The following SUPT20H variants were observed in gnomAD, a reference collection of about 807,000 sequenced individuals.
The protein encoded by SUPT20H is SPT20 homolog, SAGA complex component.
A neutral mutation model predicts 122.8 loss-of-function variants in SUPT20H; 82 were observed. The observed-to-expected ratio is 0.67, with a 90% CI of 0.56 to 0.80. SUPT20H has a LOEUF of 0.80. Among genes scored for constraint, SUPT20H ranks in the 30% least tolerant of loss-of-function variants. SUPT20H has a pLI of 0.00. For synonymous variants in SUPT20H, 291 were observed against 313.0 expected (o/e 0.93, Z 0.74); for missense variants, 831 against 921.6 (o/e 0.90, Z 1.27).
At chr13:37,018,605 CCTT>C (rs1351551889) in intron 22 of SUPT20H, among the ~76,000 whole-genome samples, 3 of 152,164 alleles carry the variant, frequency 2.0e-5, no homozygotes, top group African/African-American at 7.2e-5. Context: ...AAAGCTTACT[CCTT>C]CTTTAAATTA....
chr13:37,015,316 G>GA (rs372560347), intron 23 of SUPT20H, among the ~76,000 whole-genome samples: 3,046 of 138,582 alleles, frequency 0.022, 30 homozygotes, highest in Non-Finnish European at 0.031. Context: ...AAATTAATCT[G>GA]AAAAAAAAAA....
chr13:37,013,893 C>T (rs534125451), intron 23 of SUPT20H: 3 of 152,028 alleles, frequency 2.0e-5, no homozygotes, highest in South Asian at 2.1e-4. Flanking sequence ...ACCACCATAA[C>T]GGAGCTATGA....
intron 7 of SUPT20H, among the ~76,000 whole-genome samples, chr13:37,042,807 A>G (rs978655950): frequency 6.6e-6 from 1 of 152,168 alleles, no homozygotes; most frequent in East Asian, 1.9e-4. Context: ...GAGTAACAAG[A>G]GCAGTAGTTG....
intron 1 of SUPT20H, among the ~76,000 whole-genome samples, chr13:37,055,931 AAC>A (rs1303492040): frequency 2.0e-5 from 3 of 152,228 alleles, no homozygotes; most frequent in Admixed American, 2.0e-4. Flanking sequence ...GGAAAAAACA[AAC>A]AACCCCATCA....
chr13:37,044,300 A>AG, intron 6 of SUPT20H, 119 bp from the exon 7 acceptor site: 1 of 665,244 alleles, frequency 1.5e-6, no homozygotes. Flanking sequence ...CAACCAAGCA[A>AG]GGATCAAAAA....
At chr13:37,057,941 T>C (rs2139578295) in intron 1 of SUPT20H, among the ~76,000 whole-genome samples, 1 of 136,550 alleles carries the variant, frequency 7.3e-6, no homozygotes, top group East Asian at 2.2e-4. Context: ...GCCACTGCAC[T>C]GCAGCCTGGA....
chr13:37,039,269 C>G (rs2065047546), intron 9 of SUPT20H: 1 of 152,106 alleles, frequency 6.6e-6, no homozygotes, highest in South Asian at 2.1e-4. Context: ...GCTGCAAAAG[C>G]AGAGCTTTCA....
chr13:37,039,926 A>G (rs2065162972), intron 9 of SUPT20H: 1 of 152,284 alleles, frequency 6.6e-6, no homozygotes, highest in Non-Finnish European at 1.5e-5. Flanking sequence ...AGTTTTCCAC[A>G]AACTTTCTGA....
intron 1 of SUPT20H, among the ~76,000 whole-genome samples, chr13:37,057,524 TAAAAA>T (rs35735192): frequency 1.8e-5 from 2 of 108,464 alleles, no homozygotes. Context: ...GCCAAGCCAT[TAAAAA>T]AAAAAAAAAA....
At chr13:37,037,420 C>T (rs1025926346) in intron 9 of SUPT20H, among the ~76,000 whole-genome samples, 2 of 152,240 alleles carry the variant, frequency 1.3e-5, no homozygotes, top group East Asian at 1.9e-4. Context: ...ATTTGCTTTA[C>T]GGCAGTGCTC....
chr13:37,035,560 G>A (rs186018449), intron 9 of SUPT20H, among the ~76,000 whole-genome samples: 121 of 150,210 alleles, frequency 8.1e-4, no homozygotes, highest in African/African-American at 2.5e-3. Flanking sequence ...TCCCTCTGTC[G>A]CCCAGGCTAG....
At chr13:37,017,587 T>A (rs1196901755) in intron 22 of SUPT20H, among the ~76,000 whole-genome samples, 1 of 152,234 alleles carries the variant, frequency 6.6e-6, no homozygotes, top group Admixed American at 6.5e-5. Flanking sequence ...CTAATACTCT[T>A]AAACATAAAT....
rs1428522689 is a variant in SUPT20H at position 37,012,240 on chromosome 13, C to G, written c.2050G>C (p.Val684Leu). ...EQALSAQQAA[V>L]INLTGVGSFM... ...CTTCCTACTCCAGTAAGGTTAATAACAGCAGCTTGCTGAGCAGATAAGGCC... is the reference window on the plus strand; with the variant it reads ...CTTCCTACTCCAGTAAGGTTAATAAGAGCAGCTTGCTGAGCAGATAAGGCC... Residue 684 changes from valine (V) to leucine (L), a missense_variant, in exon 24 of 26, where the codon GTT (valine) becomes CTT (leucine). Transcript: ENST00000350612. 1 of 1,613,250 alleles carries G rather than the reference C, an allele frequency of 6.2e-7. No homozygotes were observed. The highest frequency in any genetic ancestry group is 8.5e-7 in the Non-Finnish European group (1 of 1,179,538).
intron 15 of SUPT20H, 78 bp downstream of exon 15, chr13:37,026,712 A>G (rs2062348180): frequency 2.4e-6 from 2 of 844,440 alleles, no homozygotes; most frequent in South Asian, 1.9e-5. Context: ...CAAATAAAGT[A>G]TATTTAGCAA....
chr13:37,051,979 AAATC>A (rs1258411350), intron 1 of SUPT20H, among the ~76,000 whole-genome samples: 1 of 152,200 alleles, frequency 6.6e-6, no homozygotes, highest in African/African-American at 2.4e-5. Context: ...TTCACTTTAC[AAATC>A]ACAGATATAA....
Position 37,045,248 on chromosome 13 carries a change from T to G in SUPT20H, c.291A>C (p.Ser97=), listed in dbSNP as rs1460060880. The change falls in exon 6 of 26, where the codon TCA becomes TCC. Residue 97 remains serine, a splice_region_variant and synonymous_variant. Transcript: ENST00000350612. ...CAGCTGTGCTCTAGAGGGTCTTACC[T>G]GATCCGTTTTTTCCCCTGAGCATCA... ...YSLMLRGKNG[S]DSETIRLPYE... is the part of the protein sequence containing the mutation. The G allele has an allele frequency of 2.5e-6, 4 of 1,613,478 alleles. No individual in the cohort carries two copies. Among genetic ancestry groups the G allele is most frequent in the Admixed American group, 3.3e-5 (2 of 59,982 alleles).
intron 9 of SUPT20H, 96 bp downstream of exon 9, chr13:37,040,309 T>G (rs1269724750): frequency 9.1e-7 from 1 of 1,104,314 alleles, no homozygotes; most frequent in African/African-American, 1.6e-5. Flanking sequence ...AACTTAATTA[T>G]TGAATAAAAA....
Position 37,022,215 on chromosome 13 carries a change from G to C in SUPT20H, c.1592-135C>G, listed in dbSNP as rs747019608. ...GGTGAAGCCTGAATCTTGGGGAGTAGGGGTGGCTGAAGGGGTACTAGGAGT... is the reference window on the plus strand; with the variant it reads ...GGTGAAGCCTGAATCTTGGGGAGTACGGGTGGCTGAAGGGGTACTAGGAGT... On this transcript the variant is annotated intron_variant, in intron 19 of 25. Coordinates refer to ENST00000350612, the MANE Select transcript of SUPT20H (RefSeq NM_001014286.3). The surrounding 1 kb of genome is among the most constrained non-coding windows in gnomAD (Gnocchi z 4.5). 1 of 1,585,228 alleles carries C rather than the reference G, an allele frequency of 6.3e-7. No homozygotes were observed. The highest frequency in any genetic ancestry group is 2.3e-5 in the East Asian group (1 of 43,748).
At chr13:37,047,663 T>A in intron 4 of SUPT20H, 62 bp from the exon 5 acceptor site, 1 of 1,297,734 alleles carries the variant, frequency 7.7e-7, no homozygotes, top group Non-Finnish European at 1.0e-6. Flanking sequence ...ATGACATGAA[T>A]GTTATTTAAT....
Sources: gnomAD v4.1 joint callset for allele counts (sites outside exome capture counted in the v4.1 genomes callset) on GRCh38, gnomAD v4.1.1 for gene constraint, Gnocchi (gnomAD v3.1) non-coding constraint, MANE v1.5 for transcripts, NCBI Gene and HGNC (gene_info 2026-07-23, HGNC 2026-07-21) for gene names.